Variants in REDIC1 observed in about 807,000 individuals in gnomAD.
The protein encoded by REDIC1 is HEI10 Interacting Protein 1.
chr12:39,837,960 A>G, the REDIC1 span, among the ~76,000 whole-genome samples: 3 of 151,344 alleles, frequency 2.0e-5, no homozygotes, highest in South Asian at 6.3e-4. Context: ...AGAACTAGAA[A>G]TACCATTTGA....
At chr12:39,714,080 TAC>T in the REDIC1 span, among the ~76,000 whole-genome samples, 6 of 23,464 alleles carry the variant, frequency 2.6e-4, 1 homozygote, top group African/African-American at 3.9e-4. Flanking sequence ...TACGTGTATA[TAC>T]ACATATATGT....
chr12:39,705,395 T>C, the REDIC1 span, among the ~76,000 whole-genome samples: 1 of 152,034 alleles, frequency 6.6e-6, no homozygotes, highest in South Asian at 2.1e-4. Flanking sequence ...AACGAAGAAC[T>C]AATACCAGTC....
the REDIC1 span, among the ~76,000 whole-genome samples, chr12:39,834,692 T>A: frequency 6.6e-6 from 1 of 152,046 alleles, no homozygotes; most frequent in African/African-American, 2.4e-5. Context: ...TTTGTGCTAA[T>A]CTGGACTAAG....
At chr12:39,673,436 G>C in the REDIC1 span, among the ~76,000 whole-genome samples, 1 of 152,178 alleles carries the variant, frequency 6.6e-6, no homozygotes, top group Non-Finnish European at 1.5e-5. Flanking sequence ...CAAAATGTCA[G>C]TTTTACTTTT....
the REDIC1 span, among the ~76,000 whole-genome samples, chr12:39,814,431 T>C: frequency 6.6e-6 from 1 of 152,194 alleles, no homozygotes; most frequent in South Asian, 2.1e-4. Context: ...CTTTAGCTGA[T>C]CTTTATTGTA....
the REDIC1 span, among the ~76,000 whole-genome samples, chr12:39,626,606 T>A: frequency 6.6e-6 from 1 of 152,188 alleles, no homozygotes; most frequent in Non-Finnish European, 1.5e-5. Context: ...TGAGTAACCT[T>A]CCCTGCTGCC....
the REDIC1 span, among the ~76,000 whole-genome samples, chr12:39,701,617 C>A: frequency 2.0e-5 from 3 of 152,114 alleles, no homozygotes; most frequent in African/African-American, 7.2e-5. Flanking sequence ...ACTCTCCACC[C>A]CAAATCAACA....
the REDIC1 span, among the ~76,000 whole-genome samples, chr12:39,668,817 C>A: frequency 6.6e-6 from 1 of 151,952 alleles, no homozygotes; most frequent in Non-Finnish European, 1.5e-5. Flanking sequence ...TCTTCCATCA[C>A]CAACACCGTT....
the REDIC1 span, among the ~76,000 whole-genome samples, chr12:39,787,494 T>C: frequency 5.3e-5 from 8 of 152,182 alleles, no homozygotes; most frequent in Non-Finnish European, 1.2e-4. Context: ...AGATTATTTT[T>C]TTCCTTCAGT....
At chr12:39,715,721 A>G in the REDIC1 span, among the ~76,000 whole-genome samples, 1 of 151,964 alleles carries the variant, frequency 6.6e-6, no homozygotes, top group Non-Finnish European at 1.5e-5. Context: ...AATTGTACTT[A>G]TTTTCATTTG....
At chr12:39,695,108 AC>A in the REDIC1 span, among the ~76,000 whole-genome samples, 1 of 152,272 alleles carries the variant, frequency 6.6e-6, no homozygotes, top group East Asian at 1.9e-4. Flanking sequence ...ATGCCCAGGG[AC>A]TGCATTGAGG....
the REDIC1 span, chr12:39,758,523 G>A: frequency 6.6e-6 from 1 of 151,816 alleles, no homozygotes; most frequent in Non-Finnish European, 1.5e-5. Flanking sequence ...TATTTTTCCT[G>A]GAACTAGCAA....
chr12:39,722,027 G>C, the REDIC1 span: 1 of 151,976 alleles, frequency 6.6e-6, no homozygotes, highest in African/African-American at 2.4e-5. Flanking sequence ...TTAAATGTTT[G>C]TACTCTAAAA....
chr12:39,828,766 AC>A, the REDIC1 span, among the ~76,000 whole-genome samples: 29 of 152,238 alleles, frequency 1.9e-4, no homozygotes, highest in East Asian at 5.4e-3. Flanking sequence ...AAAGCTGTGA[AC>A]AAGTACATCT....
the REDIC1 span, among the ~76,000 whole-genome samples, chr12:39,703,625 A>T: frequency 1.1e-4 from 16 of 152,350 alleles, no homozygotes; most frequent in African/African-American, 3.8e-4. Flanking sequence ...TTGCCAAGTC[A>T]ATCCTAAGCC....
At chr12:39,712,781 A>G in the REDIC1 span, among the ~76,000 whole-genome samples, 1 of 141,484 alleles carries the variant, frequency 7.1e-6, no homozygotes, top group Non-Finnish European at 1.6e-5. Context: ...ATACATGTGT[A>G]TATACGTATA....
At chr12:39,692,000 A>G in the REDIC1 span, 1 of 1,458,620 alleles carries the variant, frequency 6.9e-7, no homozygotes. Context: ...ATATAAGTGA[A>G]TATTATTATG....
At chr12:39,774,136 T>C in the REDIC1 span, among the ~76,000 whole-genome samples, 3 of 152,280 alleles carry the variant, frequency 2.0e-5, no homozygotes, top group South Asian at 2.1e-4. Flanking sequence ...AATTACACCA[T>C]TACAATTTGA....
chr12:39,745,332 T>C, the REDIC1 span, among the ~76,000 whole-genome samples: 2 of 152,156 alleles, frequency 1.3e-5, no homozygotes, highest in African/African-American at 2.4e-5. Flanking sequence ...ATAAAGCACA[T>C]TGTAAAAAAT....
Sources: gnomAD v4.1 joint callset for allele counts (sites outside exome capture counted in the v4.1 genomes callset) on GRCh38, gnomAD v4.1.1 for gene constraint, MANE v1.5 for transcripts, NCBI Gene and HGNC (gene_info 2026-07-23, HGNC 2026-07-21) for gene names.